ASRGL1: variants seen among roughly 807,000 people sequenced by gnomAD.
ASRGL1 encodes the protein isoaspartyl peptidase/L-asparaginase.
A neutral mutation model predicts 22.4 loss-of-function variants in ASRGL1; 16 were observed. That is an observed-to-expected ratio of 0.71 (90% CI 0.48 to 1.08). ASRGL1 has a LOEUF of 1.08. ASRGL1 is among the 50% of genes least tolerant of loss of function. The pLI, the probability that ASRGL1 is intolerant of heterozygous loss-of-function variation, is 0.00. For missense variants in ASRGL1, 412 were observed against 410.1 expected (o/e 1.00, Z -0.04); for synonymous variants, 165 against 159.3 (o/e 1.04, Z -0.27).
chr11:62,396,089 A>C (rs2011200567), downstream of ASRGL1, among the ~76,000 whole-genome samples: 1 of 151,946 alleles, frequency 6.6e-6, no homozygotes, highest in African/African-American at 2.4e-5. Context: ...TTTCATGGGA[A>C]CAAGGAAGTG....
intron 4 of ASRGL1, among the ~76,000 whole-genome samples, chr11:62,366,238 C>T (rs1275687153): frequency 1.4e-5 from 2 of 141,644 alleles, no homozygotes; most frequent in African/African-American, 5.2e-5. Flanking sequence ...CTCCAGCCTG[C>T]GCCACAGAGC....
intron 2 of ASRGL1, among the ~76,000 whole-genome samples, chr11:62,339,295 A>G (rs953634817): frequency 1.3e-5 from 2 of 152,166 alleles, no homozygotes; most frequent in Admixed American, 6.5e-5. Context: ...TATTGCTACA[A>G]AGTCTGCTTT....
intron 4 of ASRGL1, among the ~76,000 whole-genome samples, chr11:62,377,334 A>G (rs556925454): frequency 6.6e-6 from 1 of 152,188 alleles, no homozygotes; most frequent in Non-Finnish European, 1.5e-5. Context: ...CATCCATGCT[A>G]TATTTAATTA....
At chr11:62,339,664 C>T (rs1945817479) in intron 2 of ASRGL1, among the ~76,000 whole-genome samples, 1 of 152,146 alleles carries the variant, frequency 6.6e-6, no homozygotes, top group Admixed American at 6.5e-5. Context: ...TTAAATGATT[C>T]ACTTATGAGT....
intron 4 of ASRGL1, among the ~76,000 whole-genome samples, chr11:62,369,302 GTC>G (rs1255070288): frequency 2.6e-5 from 4 of 152,268 alleles, no homozygotes; most frequent in African/African-American, 9.6e-5. Context: ...CACAGCACAT[GTC>G]TCTGCGACAC....
chr11:62,374,825 C>T (rs1946870277), intron 4 of ASRGL1, among the ~76,000 whole-genome samples: 1 of 152,154 alleles, frequency 6.6e-6, no homozygotes, highest in Non-Finnish European at 1.5e-5. Flanking sequence ...GTTTGCTAAA[C>T]TAACCTAATT....
rs535976494 is a variant in ASRGL1, at chr11:62,371,059, C to A, written c.491+13915C>A. 1.8e-4 allele frequency: 89 copies of A among 504,216 alleles called. 1 individual carries two copies. In the South Asian group the frequency reaches 3.4e-3, roughly 19 times the overall value. The allele number at this position is 504,216 out of a possible 1,614,324, so 31.2% of individuals were successfully genotyped here. Reference sequence around the variant, plus strand: ...GTCTGGGCCAGGAAAAAAAAAAAAGCCCTCCGATCCGTCTTTTAGTTGCTT... The same window carrying A: ...GTCTGGGCCAGGAAAAAAAAAAAAGACCTCCGATCCGTCTTTTAGTTGCTT... On this transcript the variant is annotated intron_variant, in intron 4 of 6. Coordinates refer to ENST00000415229, the MANE Select transcript of ASRGL1 (RefSeq NM_001083926.2).
chr11:62,356,978 C>T lies in ASRGL1; in HGVS notation c.334-9C>T, dbSNP rs1415268492. ...AAAACAATCATTTTCTCTTTTCTTT[C>T]TGGCTCAGACACCTCATTGCTTTCT... On this transcript the variant is annotated splice_polypyrimidine_tract_variant and intron_variant, in intron 3 of 6. Transcript: ENST00000415229. 3.2e-6 allele frequency: 5 copies of T among 1,569,976 alleles called. No individual in the cohort carries two copies. The highest frequency in any genetic ancestry group is 4.3e-6 in the Non-Finnish European group (5 of 1,165,442).
chr11:62,366,971 G>T (rs1590734525), intron 4 of ASRGL1, among the ~76,000 whole-genome samples: 1 of 152,192 alleles, frequency 6.6e-6, no homozygotes, highest in Non-Finnish European at 1.5e-5. Flanking sequence ...TTGGGAGGCT[G>T]AGGCGGGTGG....
chr11:62,359,099 G>A (rs1225461024), intron 4 of ASRGL1, among the ~76,000 whole-genome samples: 2 of 152,160 alleles, frequency 1.3e-5, no homozygotes, highest in Non-Finnish European at 2.9e-5. Flanking sequence ...TGTAGAAGTT[G>A]CACATGGGGA....
chr11:62,378,022 C>A (rs1946971777), intron 4 of ASRGL1, among the ~76,000 whole-genome samples: 1 of 152,174 alleles, frequency 6.6e-6, no homozygotes. Context: ...AGTGAATATT[C>A]TTTTACTATT....
chr11:62,357,971 A>T (rs545790032), intron 4 of ASRGL1, among the ~76,000 whole-genome samples: 25 of 152,238 alleles, frequency 1.6e-4, no homozygotes, highest in Non-Finnish European at 3.5e-4. Context: ...CCGCCAGAAG[A>T]ATCAGATTTA....
downstream of ASRGL1, among the ~76,000 whole-genome samples, chr11:62,396,971 T>C (rs1947439240): frequency 6.6e-6 from 1 of 152,204 alleles, no homozygotes; most frequent in Non-Finnish European, 1.5e-5. Context: ...ACCGGCCTCA[T>C]GCCTGCCCGC....
chr11:62,373,252 A>G, intron 4 of ASRGL1: 1 of 772,616 alleles, frequency 1.3e-6, no homozygotes, highest in Non-Finnish European at 2.3e-6. Flanking sequence ...GGGAAGTCAA[A>G]CAAGGAATTT....
At chr11:62,383,671 C>G (rs1379771693) in intron 4 of ASRGL1, among the ~76,000 whole-genome samples, 2 of 147,896 alleles carry the variant, frequency 1.4e-5, no homozygotes, top group Non-Finnish European at 3.0e-5. Context: ...CCTGTAATCC[C>G]AGCACTTTGG....
intron 2 of ASRGL1, among the ~76,000 whole-genome samples, chr11:62,345,261 T>C (rs1945987347): frequency 6.6e-6 from 1 of 152,164 alleles, no homozygotes; most frequent in African/African-American, 2.4e-5. Context: ...ATGGTAGCTG[T>C]ATTCTTAGAT....
At position 62,338,014 on chromosome 11, in the gene ASRGL1, G is replaced by C; in HGVS notation, c.37G>C (p.Gly13Arg). The C allele has an allele frequency of 6.2e-7, 1 of 1,606,608 alleles. No homozygotes were observed. The highest frequency in any genetic ancestry group is 8.5e-7 in the Non-Finnish European group (1 of 1,177,008). Reference protein sequence around the residue: ...PIVVVHGGGAGPISKDRKERV... With the variant: ...PIVVVHGGGARPISKDRKERV... Reference sequence around the variant, plus strand: ...CGTAGTGGTCCACGGCGGCGGAGCCGGTCCCATCTCCAAGGATCGGAAGGA... The same window carrying C: ...CGTAGTGGTCCACGGCGGCGGAGCCCGTCCCATCTCCAAGGATCGGAAGGA... Residue 13 changes from glycine to arginine, a missense_variant, in exon 2 of 7, where the codon GGT becomes CGT. By Grantham distance (125) the Gly-to-Arg change is moderately radical (BLOSUM62 -2). Coordinates refer to ENST00000415229, the MANE Select transcript of ASRGL1 (RefSeq NM_001083926.2).
the ASRGL1 span, among the ~76,000 whole-genome samples, chr11:62,398,923 C>T: frequency 2.6e-5 from 4 of 152,216 alleles, no homozygotes; most frequent in African/African-American, 4.8e-5. Flanking sequence ...AATCTCAGTT[C>T]TTTGGGAGGC....
chr11:62,340,368 C>G (rs1945833753), intron 2 of ASRGL1, among the ~76,000 whole-genome samples: 1 of 152,222 alleles, frequency 6.6e-6, no homozygotes, highest in Non-Finnish European at 1.5e-5. Flanking sequence ...TAGGCACTGA[C>G]TTTGCCAGCA....
Sources: allele counts gnomAD v4.1 joint callset (sites outside exome capture counted in the v4.1 genomes callset), GRCh38; gene constraint gnomAD v4.1.1; transcripts MANE v1.5; gene names NCBI Gene and HGNC (gene_info 2026-07-23, HGNC 2026-07-21).